Variants in NYAP2 observed in about 807,000 individuals in gnomAD.
The protein encoded by NYAP2 is neuronal tyrosine-phosphorylated phosphoinositide-3-kinase adapter 2.
NYAP2 carries 23 observed loss-of-function variants against 50.4 expected under a neutral mutation model. The ratio of observed to expected loss-of-function variants is 0.46; its 90% confidence interval spans 0.33 to 0.65. The LOEUF is 0.65. Ranked by LOEUF, NYAP2 falls within the 30% of genes least tolerant of loss-of-function variation. The pLI, the probability that NYAP2 is intolerant of heterozygous loss-of-function variation, is 0.02. For missense variants in NYAP2, 885 were observed against 861.0 expected, an observed-to-expected ratio of 1.03 and a Z score of -0.35; for synonymous variants, 394 against 365.2, an observed-to-expected ratio of 1.08 and a Z score of -0.90.
intron 3 of NYAP2, among the ~76,000 whole-genome samples, chr2:225,486,155 C>A (rs967521494): frequency 2.4e-4 from 37 of 152,174 alleles, no homozygotes; most frequent in African/African-American, 8.9e-4. Context: ...CATTATCCAC[C>A]AAGCCTTCCT....
At chr2:225,398,368 C>A (rs1008086059), upstream of NYAP2, among the ~76,000 whole-genome samples, 1 of 151,980 alleles carries the variant, frequency 6.6e-6, no homozygotes, top group East Asian at 1.9e-4. Flanking sequence ...AATATAGACC[C>A]CCAGACTGGC....
chr2:225,500,425 A>T (rs768161242), intron 3 of NYAP2, among the ~76,000 whole-genome samples: 55 of 152,272 alleles, frequency 3.6e-4, no homozygotes, highest in Middle Eastern at 3.4e-3. Flanking sequence ...CATGGCTAGG[A>T]TTTCTGGATC....
At chr2:225,445,425 C>A (rs371345075) in intron 3 of NYAP2, among the ~76,000 whole-genome samples, 3 of 151,808 alleles carry the variant, frequency 2.0e-5, no homozygotes, top group African/African-American at 7.3e-5. Flanking sequence ...ATTTCTGATG[C>A]TTAATTTGAA....
chr2:225,487,818 T>A (rs1690330915), intron 3 of NYAP2, among the ~76,000 whole-genome samples: 1 of 152,250 alleles, frequency 6.6e-6, no homozygotes, highest in Non-Finnish European at 1.5e-5. Context: ...CCCTTTCTGA[T>A]ATCCTCCACC....
intron 4 of NYAP2, among the ~76,000 whole-genome samples, chr2:225,569,722 G>A (rs558749120): frequency 1.3e-5 from 2 of 152,260 alleles, no homozygotes; most frequent in South Asian, 2.1e-4. Context: ...TGAACAAACA[G>A]GTTAAGTAGT....
chr2:225,683,107 T>C, the NYAP2 span, among the ~76,000 whole-genome samples: 2 of 152,168 alleles, frequency 1.3e-5, no homozygotes. Flanking sequence ...GATATCATGG[T>C]GGCAAATGCT....
chr2:225,448,960 T>A (rs1689605488), intron 3 of NYAP2, among the ~76,000 whole-genome samples: 1 of 152,234 alleles, frequency 6.6e-6, no homozygotes, highest in African/African-American at 2.4e-5. Flanking sequence ...CTGTACAAAC[T>A]GCATGATGAA....
chr2:225,632,872 A>G (rs994541408), intron 6 of NYAP2, among the ~76,000 whole-genome samples: 2 of 152,108 alleles, frequency 1.3e-5, no homozygotes, highest in East Asian at 3.8e-4. Flanking sequence ...AAATTTTACT[A>G]TGTTTCTTTA....
chr2:225,645,697 G>A lies in NYAP2; in HGVS notation c.1829-5735G>A, dbSNP rs1207496824. ...TAATCTCTCAATTAGGATTTCCTTG[G>A]GGTAGGAAAGCTCTGTCTTAGATCT... On this transcript the variant is annotated intron_variant, in intron 6 of 6. Coordinates refer to ENST00000636099, the Ensembl canonical transcript of NYAP2. Among the ~76,000 whole-genome samples, 6 of 152,230 alleles carry A rather than the reference G, an allele frequency of 3.9e-5. No homozygotes were observed. The East Asian group carries it at 1.2e-3, about 29-fold the overall frequency.
chr2:225,498,436 A>G (rs1244901499), intron 3 of NYAP2, among the ~76,000 whole-genome samples: 1 of 152,078 alleles, frequency 6.6e-6, no homozygotes, highest in Non-Finnish European at 1.5e-5. Flanking sequence ...GTGAGTGGAT[A>G]TGACGAGATA....
chr2:225,652,199 T>C (rs1218091022), exon 7 of NYAP2: 1 of 152,086 alleles, frequency 6.6e-6, no homozygotes, highest in Non-Finnish European at 1.5e-5. Context: ...CTAAGACAAT[T>C]TGACTGGCCA....
intron 3 of NYAP2, among the ~76,000 whole-genome samples, chr2:225,486,034 A>G (rs866632219): frequency 1.8e-4 from 27 of 151,834 alleles, no homozygotes; most frequent in Middle Eastern, 3.4e-3. Context: ...CTTCTCTCCT[A>G]CCCCCATTTG....
chr2:225,565,550 C>G (rs1276131039), intron 4 of NYAP2, among the ~76,000 whole-genome samples: 1 of 152,114 alleles, frequency 6.6e-6, no homozygotes, highest in Non-Finnish European at 1.5e-5. Flanking sequence ...TTTTATAGCT[C>G]TGTGATAGAT....
Position 225,469,013 on chromosome 2 carries a change from G to T in NYAP2, c.222-44358G>T, listed in dbSNP as rs570577859. Among the ~76,000 whole-genome samples the T allele has an allele frequency of 2.0e-5, 3 of 151,890 alleles. No homozygotes were observed. The South Asian group carries it at 6.2e-4, about 31-fold the overall frequency. On this transcript the variant is annotated intron_variant, in intron 3 of 6. Coordinates refer to ENST00000636099, the Ensembl canonical transcript of NYAP2. ...AATGGCAACAAAAGCCAAAATTGAC[G>T]AATGAGATCTAATTAAACTAAAGAG...
chr2:225,666,840 C>T, the NYAP2 span, among the ~76,000 whole-genome samples: 3 of 144,112 alleles, frequency 2.1e-5, no homozygotes, highest in East Asian at 2.2e-4. Flanking sequence ...ATATTCCCCC[C>T]CCTCCATGCC....
the NYAP2 span, among the ~76,000 whole-genome samples, chr2:225,690,459 TC>T: frequency 6.6e-6 from 1 of 152,102 alleles, no homozygotes; most frequent in Non-Finnish European, 1.5e-5. Flanking sequence ...ACCCATACTT[TC>T]CAAAATATAG....
intron 2 of NYAP2, among the ~76,000 whole-genome samples, chr2:225,403,692 A>G (rs1190231813): frequency 1.3e-5 from 2 of 151,950 alleles, no homozygotes; most frequent in East Asian, 3.9e-4. Flanking sequence ...ATAGCTCCAT[A>G]TCAGAAATTC....
In NYAP2 at chr2:225,629,719, C is replaced by T. The variant is rs528247619; in HGVS notation, c.1828+2593C>T. Among the ~76,000 whole-genome samples, 10 of 152,208 alleles carry T rather than the reference C, an allele frequency of 6.6e-5. No individual in the cohort carries two copies. In the South Asian group the frequency reaches 8.3e-4, roughly 13 times the overall value. On this transcript the variant is annotated intron_variant, in intron 6 of 6. Transcript: ENST00000636099. ...ATATGTATGAAGAGGCAAAACTCAA[C>T]GGGCATCTGGCTTTATGAGAACCCA...
At chr2:225,654,598 C>T (rs571213029), downstream of NYAP2, among the ~76,000 whole-genome samples, 63 of 152,122 alleles carry the variant, frequency 4.1e-4, no homozygotes, top group African/African-American at 1.3e-3. Context: ...GCAGGAGGAT[C>T]GCTTAAACCC....
Sources: gnomAD v4.1 joint callset for allele counts (sites outside exome capture counted in the v4.1 genomes callset) on GRCh38, gnomAD v4.1.1 for gene constraint, MANE v1.5 for transcripts, NCBI Gene and HGNC (gene_info 2026-07-23, HGNC 2026-07-21) for gene names.